The following PRELID2 variants were observed in gnomAD, a reference collection of about 807,000 sequenced individuals.
PRELID2 encodes PRELI domain containing 2, also known as PRELI domain-containing protein 2.
A neutral mutation model predicts 28.4 loss-of-function variants in PRELID2; 25 were observed. The observed-to-expected ratio is 0.88, with a 90% CI of 0.64 to 1.23. The LOEUF is 1.23. Among genes scored for constraint, PRELID2 ranks in the 50% most tolerant of loss-of-function variants. The probability of loss-of-function intolerance (pLI) is 0.00; values close to 1 mark genes in which losing one functional copy is unlikely to be tolerated. For missense variants in PRELID2, 201 were observed against 214.4 expected (o/e 0.94, Z 0.39); for synonymous variants, 76 against 71.6 (o/e 1.06, Z -0.31).
intron 1 of PRELID2, among the ~76,000 whole-genome samples, chr5:145,725,749 A>C (rs1756128226): frequency 6.6e-6 from 1 of 152,206 alleles, no homozygotes; most frequent in Non-Finnish European, 1.5e-5. Flanking sequence ...ATAGAGACTG[A>C]GAAATGTGGT....
At chr5:145,730,875 C>A (rs990318620) in intron 1 of PRELID2, among the ~76,000 whole-genome samples, 1 of 152,042 alleles carries the variant, frequency 6.6e-6, no homozygotes. Context: ...ATCCCTCTGG[C>A]CGGAAAGATG....
chr5:145,786,126 C>G (rs913111271), intron 5 of PRELID2, among the ~76,000 whole-genome samples: 1 of 152,186 alleles, frequency 6.6e-6, no homozygotes, highest in African/African-American at 2.4e-5. Context: ...TGGGATGCAG[C>G]TGACCCTCAG....
chr5:145,239,307 G>A, the PRELID2 span, among the ~76,000 whole-genome samples: 1 of 152,044 alleles, frequency 6.6e-6, no homozygotes, highest in African/African-American at 2.4e-5. Flanking sequence ...GATTTTCCCA[G>A]AAGGTAATTA....
chr5:145,439,803 C>A, the PRELID2 span, among the ~76,000 whole-genome samples: 5 of 152,196 alleles, frequency 3.3e-5, no homozygotes, highest in African/African-American at 1.2e-4. Context: ...TGCCTTCTAT[C>A]CTTCAATCTC....
chr5:145,449,399 T>A, the PRELID2 span, among the ~76,000 whole-genome samples: 1 of 152,110 alleles, frequency 6.6e-6, no homozygotes, highest in Admixed American at 6.5e-5. Flanking sequence ...AGCTGTCCAG[T>A]GGCTGATCTC....
At chr5:145,613,902 G>A (rs141209621) in intron 1 of PRELID2, among the ~76,000 whole-genome samples, 203 of 152,298 alleles carry the variant, frequency 1.3e-3, no homozygotes, top group African/African-American at 4.6e-3. Flanking sequence ...CTAAGCCAAT[G>A]TCTAGAAGGG....
chr5:145,715,854 A>C lies in PRELID2; in HGVS notation n.70+49077T>G, dbSNP rs887252025. On this transcript the variant is annotated intron_variant and non_coding_transcript_variant, in intron 1 of 2. Coordinates refer to the PRELID2 transcript ENST00000510259. ...GACCATCGATCTAGAGGAGTCACCA[A>C]GTAAAATATCATCACATCATTGTAT... Among the ~76,000 whole-genome samples the C allele has an allele frequency of 3.3e-5, 5 of 152,200 alleles. 1 individual carries two copies. Among genetic ancestry groups the C allele is most frequent in the Non-Finnish European group, 5.9e-5 (4 of 68,034 alleles).
chr5:145,311,506 T>C, the PRELID2 span, among the ~76,000 whole-genome samples: 1 of 152,236 alleles, frequency 6.6e-6, no homozygotes. Flanking sequence ...GAATTCTATC[T>C]GGACCCTGTT....
intron 1 of PRELID2, among the ~76,000 whole-genome samples, chr5:145,538,803 A>G (rs1439650250): frequency 6.6e-6 from 1 of 151,936 alleles, no homozygotes; most frequent in Non-Finnish European, 1.5e-5. Context: ...TCTTTCCTGC[A>G]CAAAGTTTAT....
chr5:145,728,083 ATC>A (rs1756225924), intron 1 of PRELID2, among the ~76,000 whole-genome samples: 2 of 152,050 alleles, frequency 1.3e-5, no homozygotes, highest in African/African-American at 4.8e-5. Context: ...GTCCCTGCAA[ATC>A]TCTGCTAGTC....
chr5:145,830,141 G>T (rs1755486349), intron 1 of PRELID2, among the ~76,000 whole-genome samples: 1 of 152,182 alleles, frequency 6.6e-6, no homozygotes, highest in Non-Finnish European at 1.5e-5. Context: ...ATTCAGCAAG[G>T]ATTTGCTGAG....
chr5:145,629,145 G>A (rs1753897946), intron 1 of PRELID2, among the ~76,000 whole-genome samples: 1 of 152,184 alleles, frequency 6.6e-6, no homozygotes, highest in Non-Finnish European at 1.5e-5. Context: ...GGGGAGCTTA[G>A]GAACTGCTCC....
chr5:145,285,788 T>C, the PRELID2 span, among the ~76,000 whole-genome samples: 365 of 152,250 alleles, frequency 2.4e-3, 1 homozygote, highest in African/African-American at 8.4e-3. Context: ...AGAGGTAGAA[T>C]GTCAGGTCAC....
At chr5:145,538,809 T>C (rs1414210224) in intron 1 of PRELID2, among the ~76,000 whole-genome samples, 2 of 151,852 alleles carry the variant, frequency 1.3e-5, no homozygotes, top group Non-Finnish European at 2.9e-5. Flanking sequence ...CTGCACAAAG[T>C]TTATTGATAT....
intron 1 of PRELID2, among the ~76,000 whole-genome samples, chr5:145,622,863 A>G (rs1465989347): frequency 6.6e-6 from 1 of 152,088 alleles, no homozygotes. Context: ...ATCCAAAAGA[A>G]TCTATGAACA....
At chr5:145,770,273 G>C (rs1189441273) in intron 5 of PRELID2, among the ~76,000 whole-genome samples, 1 of 151,990 alleles carries the variant, frequency 6.6e-6, no homozygotes, top group Non-Finnish European at 1.5e-5. Flanking sequence ...TGGCACTTTG[G>C]GAGAGGCTGA....
intron 1 of PRELID2, among the ~76,000 whole-genome samples, chr5:145,685,369 G>A (rs953650767): frequency 7.2e-5 from 11 of 152,110 alleles, no homozygotes; most frequent in African/African-American, 2.4e-4. Context: ...GTTCTCTCCA[G>A]TCGCTAGGTC....
the PRELID2 span, among the ~76,000 whole-genome samples, chr5:145,327,077 C>G: frequency 6.6e-6 from 1 of 152,026 alleles, no homozygotes; most frequent in South Asian, 2.1e-4. Context: ...TCGTAAAAAT[C>G]ACAGTACTAT....
At chr5:145,506,101 C>T (rs906699070) in intron 1 of PRELID2, among the ~76,000 whole-genome samples, 4 of 151,954 alleles carry the variant, frequency 2.6e-5, no homozygotes, top group African/African-American at 9.7e-5. Flanking sequence ...GAGTAGATCT[C>T]ATGCTAAATG....
Sources: gnomAD v4.1 joint callset for allele counts (sites outside exome capture counted in the v4.1 genomes callset) on GRCh38, gnomAD v4.1.1 for gene constraint, MANE v1.5 for transcripts, NCBI Gene and HGNC (gene_info 2026-07-23, HGNC 2026-07-21) for gene names.